Variants in LAMA2 observed in about 807,000 individuals in gnomAD.
LAMA2 encodes the protein laminin subunit alpha 2.
A neutral mutation model predicts 364.8 loss-of-function variants in LAMA2; 269 were observed. That is an observed-to-expected ratio of 0.74 (90% CI 0.67 to 0.82). The LOEUF is 0.82. Among genes scored for constraint, LAMA2 ranks in the 40% least tolerant of loss-of-function variants. The probability of loss-of-function intolerance (pLI) is 0.00; values close to 1 mark genes in which losing one functional copy is unlikely to be tolerated. For synonymous variants in LAMA2, 1,379 were observed against 1,370.6 expected (o/e 1.01, Z -0.14); for missense variants, 3,807 against 3,873.2 (o/e 0.98, Z 0.45).
Position 129,148,970 on chromosome 6 carries a change from T to G in LAMA2, c.910-9T>G. 3 of 1,600,782 alleles carry G rather than the reference T, an allele frequency of 1.9e-6. No homozygotes were observed. Among genetic ancestry groups the G allele is most frequent in the Middle Eastern group, 1.7e-4 (1 of 6,038 alleles). On this transcript the variant is annotated splice_polypyrimidine_tract_variant and intron_variant, in intron 6 of 64. Coordinates refer to ENST00000421865, the MANE Select transcript of LAMA2 (RefSeq NM_000426.4). Reference sequence around the variant, plus strand: ...CTAAAATTTGTGCTTCCTCCCTCTTTTTGACTAGAAATCTCGCTGTGAGTG... The same window carrying G: ...CTAAAATTTGTGCTTCCTCCCTCTTGTTGACTAGAAATCTCGCTGTGAGTG...
rs2114791006 is a variant in LAMA2 at position 129,454,259 on chromosome 6, C to T, written c.6678C>T (p.Asp2226=). 3 of 1,611,542 alleles carry T rather than the reference C, an allele frequency of 1.9e-6. No individual in the cohort carries two copies. Among genetic ancestry groups the T allele is most frequent in the Admixed American group, 1.7e-5 (1 of 59,920 alleles). The change falls in exon 47 of 65, where the codon GAC becomes GAT. Residue 2226 remains aspartate (D), a synonymous_variant. Coordinates refer to ENST00000421865, the MANE Select transcript of LAMA2 (RefSeq NM_000426.4). ...RVEYPDLTID[D]SYWYRIVASR... Reference sequence around the variant, plus strand: ...AGTACCCAGATTTGACTATTGATGACTCATATTGGTACCGTATCGTAGCAT... The same window carrying T: ...AGTACCCAGATTTGACTATTGATGATTCATATTGGTACCGTATCGTAGCAT...
intron 13 of LAMA2, among the ~76,000 whole-genome samples, chr6:129,251,076 C>CTCTCTATATATATA (rs1491468271): frequency 6.0e-5 from 3 of 49,794 alleles, no homozygotes; most frequent in Non-Finnish European, 1.1e-4. Context: ...CTCTCTCTCT[C>CTCTCTATATATATA]TATATATATA....
chr6:128,960,343 C>CTTT (rs35955136), intron 1 of LAMA2, among the ~76,000 whole-genome samples: 5 of 111,986 alleles, frequency 4.5e-5, no homozygotes, highest in Non-Finnish European at 5.6e-5. Context: ...TTTTTTTTTC[C>CTTT]TTTTTTTTTT....
chr6:129,170,350 C>A (rs1297679060), intron 9 of LAMA2, among the ~76,000 whole-genome samples: 2 of 147,596 alleles, frequency 1.4e-5, no homozygotes, highest in East Asian at 3.9e-4. Context: ...CCCAGAGATT[C>A]TGGTATGTTG....
At chr6:129,069,287 C>T (rs1327553209) in intron 3 of LAMA2, among the ~76,000 whole-genome samples, 3 of 146,132 alleles carry the variant, frequency 2.1e-5, no homozygotes, top group Non-Finnish European at 3.1e-5. Context: ...ACAAAACATC[C>T]ACATTTCATC....
At chr6:129,496,231 A>G (rs1562619664) in intron 58 of LAMA2, among the ~76,000 whole-genome samples, 2 of 152,164 alleles carry the variant, frequency 1.3e-5, no homozygotes, top group South Asian at 2.1e-4. Flanking sequence ...TAATGTCACA[A>G]TCTCGTCTCA....
At chr6:128,953,744 G>T in intron 1 of LAMA2, among the ~76,000 whole-genome samples, 1 of 151,776 alleles carries the variant, frequency 6.6e-6, no homozygotes, top group East Asian at 1.9e-4. Flanking sequence ...TTTCTTTATC[G>T]TTCTCTTCCA....
At chr6:129,500,172 T>G (rs914028918) in intron 58 of LAMA2, among the ~76,000 whole-genome samples, 7 of 152,094 alleles carry the variant, frequency 4.6e-5, no homozygotes, top group African/African-American at 1.4e-4. Flanking sequence ...AATTAGAGGG[T>G]GGGGAATTTT....
chr6:129,445,568 A>G (rs1782323574), intron 44 of LAMA2, 99 bp from the exon 45 acceptor site: 1 of 998,772 alleles, frequency 1.0e-6, no homozygotes, highest in Admixed American at 1.9e-5. Context: ...TTGTCACATT[A>G]ATAAGATGAA....
At chr6:129,512,660 T>C (rs551400367) in intron 63 of LAMA2, among the ~76,000 whole-genome samples, 167 bp downstream of exon 63, 1 of 152,350 alleles carries the variant, frequency 6.6e-6, no homozygotes, top group South Asian at 2.1e-4. Flanking sequence ...AATTTGTGTA[T>C]GTTTTCAGCA....
At chr6:129,504,750 G>A (rs76805337) in intron 60 of LAMA2, among the ~76,000 whole-genome samples, 2,289 of 152,328 alleles carry the variant, frequency 0.015, 55 homozygotes, top group African/African-American at 0.052. Flanking sequence ...CACAAGAAGG[G>A]CCTGTTAGGC....
At chr6:129,272,943 G>C (rs265397) in intron 17 of LAMA2, among the ~76,000 whole-genome samples, 150,402 of 152,260 alleles carry the variant, frequency 0.99, 74,317 homozygotes, top group Middle Eastern at 1. Flanking sequence ...TCCAACAAAA[G>C]AAGTACCTGG....
intron 1 of LAMA2, among the ~76,000 whole-genome samples, chr6:128,963,835 C>T (rs1477844128): frequency 1.3e-5 from 2 of 152,056 alleles, no homozygotes; most frequent in Admixed American, 1.3e-4. Context: ...CTGGGTGAAG[C>T]ACTGAGAAAT....
chr6:129,088,481 GC>G lies in LAMA2; in HGVS notation c.397-9686del, dbSNP rs1245036467. 1.9e-3 allele frequency among the ~76,000 whole-genome samples: 270 copies of G among 145,614 alleles called. 3 individuals are homozygous for G. The highest frequency in any genetic ancestry group is 6.3e-3 in the African/African-American group (250 of 39,438). On this transcript the variant is annotated intron_variant, in intron 3 of 64. Coordinates refer to ENST00000421865, the MANE Select transcript of LAMA2 (RefSeq NM_000426.4). Reference sequence around the variant, plus strand: ...CCCAGAAGGGGTGGCCGGTAGAGGCGCCCCCCACCTCCCTCCCAGACGGGGT... The same window carrying G: ...CCCAGAAGGGGTGGCCGGTAGAGGCGCCCCCACCTCCCTCCCAGACGGGGT...
At chr6:129,278,395 T>G (rs2114384727) in intron 17 of LAMA2, among the ~76,000 whole-genome samples, 1 of 152,314 alleles carries the variant, frequency 6.6e-6, no homozygotes, top group South Asian at 2.1e-4. Context: ...ATGAGATAGT[T>G]ACAGAATGCC....
intron 23 of LAMA2, 142 bp from the exon 24 acceptor site, chr6:129,314,513 T>G: frequency 8.3e-6 from 6 of 719,754 alleles, no homozygotes; most frequent in Non-Finnish European, 1.2e-5. Flanking sequence ...ATGTGCCATT[T>G]GAGATGTGAG....
At chr6:129,158,369 G>T (rs1054812823) in intron 8 of LAMA2, 27 of 1,613,800 alleles carry the variant, frequency 1.7e-5, no homozygotes, top group Non-Finnish European at 3.4e-6. Context: ...CATGCCATTT[G>T]CCCATCCGTA....
intron 3 of LAMA2, among the ~76,000 whole-genome samples, chr6:129,080,671 T>C (rs1434010202): frequency 1.3e-5 from 2 of 152,084 alleles, no homozygotes; most frequent in African/African-American, 4.8e-5. Flanking sequence ...TTCAGAGAAA[T>C]GCAAATCAAA....
At chr6:129,099,003 G>A (rs111881301) in intron 4 of LAMA2, among the ~76,000 whole-genome samples, 2,655 of 151,964 alleles carry the variant, frequency 0.017, 69 homozygotes, top group African/African-American at 0.061. Context: ...CTTCTCCAGT[G>A]TCTGTCATCC....
Sources: gnomAD v4.1 joint callset for allele counts (sites outside exome capture counted in the v4.1 genomes callset) on GRCh38, gnomAD v4.1.1 for gene constraint, MANE v1.5 for transcripts, NCBI Gene and HGNC (gene_info 2026-07-23, HGNC 2026-07-21) for gene names.